SLC22A3: variants seen among roughly 807,000 people sequenced by gnomAD.
SLC22A3 encodes EMT organic cation transporter 3.
SLC22A3 carries 51 observed loss-of-function variants against 59.1 expected under a neutral mutation model. That is an observed-to-expected ratio of 0.86 (90% CI 0.69 to 1.09). The LOEUF (loss-of-function observed/expected upper bound fraction) is 1.09. Ranked by LOEUF, SLC22A3 falls within the 50% of genes least tolerant of loss-of-function variation. The pLI, the probability that SLC22A3 is intolerant of heterozygous loss-of-function variation, is 0.00. For missense variants in SLC22A3, 711 were observed against 726.3 expected (o/e 0.98, Z 0.24); for synonymous variants, 325 against 292.0 (o/e 1.11, Z -1.15).
intron 1 of SLC22A3, among the ~76,000 whole-genome samples, chr6:160,382,164 T>G (rs1287682529): frequency 6.6e-6 from 1 of 152,124 alleles, no homozygotes; most frequent in African/African-American, 2.4e-5. Flanking sequence ...TTTATTCACT[T>G]ATTAACTGAG....
At chr6:160,409,652 C>G (rs1787167576) in intron 4 of SLC22A3, among the ~76,000 whole-genome samples, 1 of 152,174 alleles carries the variant, frequency 6.6e-6, no homozygotes, top group Non-Finnish European at 1.5e-5. Context: ...TGTTTTCAAA[C>G]ATCTCTAAAA....
chr6:160,426,150 T>C, intron 5 of SLC22A3: 1 of 985,458 alleles, frequency 1.0e-6, no homozygotes. Context: ...AAACTGATCT[T>C]CAAACTCTTC....
In SLC22A3 at chr6:160,415,271, A is replaced by AT. The variant is rs1453541895; in HGVS notation, c.975+4426dup. On this transcript the variant is annotated intron_variant, in intron 5 of 10. Coordinates refer to ENST00000275300, the MANE Select transcript of SLC22A3 (RefSeq NM_021977.4). The surrounding 1 kb of genome is among the most constrained non-coding windows in gnomAD (Gnocchi z 4.1). ...AGGTCCTTATGTCCCCACAAGCACC[A>AT]TCCTGAGCAGAAAACCTCTTCGTGA... Among the ~76,000 whole-genome samples, 2 of 152,204 alleles carry AT rather than the reference A, an allele frequency of 1.3e-5. No homozygotes were observed. Among genetic ancestry groups the AT allele is most frequent in the Non-Finnish European group, 2.9e-5 (2 of 68,030 alleles).
intron 5 of SLC22A3, among the ~76,000 whole-genome samples, chr6:160,411,444 G>A (rs1787244318): frequency 6.6e-6 from 1 of 152,088 alleles, no homozygotes; most frequent in Non-Finnish European, 1.5e-5. Flanking sequence ...AGTGTACCAA[G>A]AAATAGGGGA....
At chr6:160,418,983 T>G (rs1787620066) in intron 5 of SLC22A3, among the ~76,000 whole-genome samples, 1 of 152,234 alleles carries the variant, frequency 6.6e-6, no homozygotes. Flanking sequence ...ATCAATAATG[T>G]TCACACATAA....
intron 1 of SLC22A3, among the ~76,000 whole-genome samples, chr6:160,392,861 G>A (rs1419591926): frequency 6.6e-6 from 1 of 151,902 alleles, no homozygotes; most frequent in Non-Finnish European, 1.5e-5. Context: ...AATGTAGCCA[G>A]GAGCACACCA....
rs866749273 is a variant in SLC22A3, at chr6:160,426,151, C to T, written c.976-10629C>T. The T allele has an allele frequency of 2.5e-5, 25 of 985,314 alleles. No individual in the cohort carries two copies. In the African/African-American group the frequency reaches 3.8e-4, roughly 15 times the overall value. The allele number at this position is 985,314 out of a possible 1,614,324, so 61.0% of individuals were successfully genotyped here. On this transcript the variant is annotated intron_variant, in intron 5 of 10. Transcript: ENST00000275300. ...TTTGAGGTGCATCTAAACTGATCTT[C>T]AAACTCTTCAGCTATACCTGACTTT... is the stretch of plus-strand genomic sequence containing the variant.
chr6:160,389,543 G>A (rs1246047879), intron 1 of SLC22A3, among the ~76,000 whole-genome samples: 13 of 152,210 alleles, frequency 8.5e-5, no homozygotes, highest in Admixed American at 8.5e-4. Flanking sequence ...AACTGTCACT[G>A]TGCCCTGATG....
intron 4 of SLC22A3, among the ~76,000 whole-genome samples, chr6:160,409,772 G>A (rs897476022): frequency 2.0e-4 from 30 of 152,106 alleles, no homozygotes; most frequent in East Asian, 3.9e-4. Flanking sequence ...ATACCAGAAC[G>A]CAAAATTTTA....
chr6:160,360,414 C>T (rs929226387), intron 1 of SLC22A3, among the ~76,000 whole-genome samples: 48 of 152,214 alleles, frequency 3.2e-4, no homozygotes, highest in Middle Eastern at 6.8e-3. Context: ...GCCAAAATCA[C>T]GCCATTGCAC....
intron 1 of SLC22A3, among the ~76,000 whole-genome samples, chr6:160,385,721 G>A (rs1785980316): frequency 6.6e-6 from 1 of 152,162 alleles, no homozygotes; most frequent in African/African-American, 2.4e-5. Context: ...CAGAAAAATG[G>A]ATCCATAAAT....
At chr6:160,354,273 G>C (rs1451807301) in intron 1 of SLC22A3, among the ~76,000 whole-genome samples, 4 of 152,232 alleles carry the variant, frequency 2.6e-5, no homozygotes, top group African/African-American at 9.6e-5. Flanking sequence ...CAAGTCAACT[G>C]AGCATCTGCC....
At chr6:160,366,309 G>A (rs1348588957) in intron 1 of SLC22A3, among the ~76,000 whole-genome samples, 1 of 152,170 alleles carries the variant, frequency 6.6e-6, no homozygotes, top group African/African-American at 2.4e-5. Context: ...ACAGGCATTG[G>A]GTAAATACAG....
At chr6:160,372,437 C>T (rs542223132) in intron 1 of SLC22A3, among the ~76,000 whole-genome samples, 1 of 152,054 alleles carries the variant, frequency 6.6e-6, no homozygotes, top group Non-Finnish European at 1.5e-5. Flanking sequence ...ACATTTTTTC[C>T]TTCATTTCAA....
At chr6:160,354,316 A>G (rs927795555) in intron 1 of SLC22A3, among the ~76,000 whole-genome samples, 1 of 152,258 alleles carries the variant, frequency 6.6e-6, no homozygotes, top group Non-Finnish European at 1.5e-5. Flanking sequence ...TAGAATGGGT[A>G]CAAGAATGCC....
chr6:160,418,833 C>T lies in SLC22A3; in HGVS notation c.975+7987C>T, dbSNP rs532163057. On this transcript the variant is annotated intron_variant, in intron 5 of 10. Coordinates refer to ENST00000275300, the MANE Select transcript of SLC22A3 (RefSeq NM_021977.4). ...TCTGATACTACAGAACTGAATATGC[C>T]CATATTTGTTAGTGATATTTTATCC... Among the ~76,000 whole-genome samples, 7 of 152,228 alleles carry T rather than the reference C, an allele frequency of 4.6e-5. No individual in the cohort carries two copies. The South Asian group carries it at 1.5e-3, about 32-fold the overall frequency.
intron 5 of SLC22A3, among the ~76,000 whole-genome samples, chr6:160,428,748 A>T (rs949837049): frequency 2.6e-5 from 4 of 152,252 alleles, no homozygotes; most frequent in Non-Finnish European, 5.9e-5. Flanking sequence ...AACTACTTTA[A>T]TAAACATCAA....
intron 1 of SLC22A3, among the ~76,000 whole-genome samples, chr6:160,364,061 T>C (rs993084797): frequency 9.2e-5 from 14 of 152,126 alleles, no homozygotes; most frequent in Admixed American, 2.6e-4. Context: ...GTGAATTATT[T>C]GCATGTATAA....
At chr6:160,387,698 A>G (rs1389945215) in intron 1 of SLC22A3, among the ~76,000 whole-genome samples, 1 of 152,060 alleles carries the variant, frequency 6.6e-6, no homozygotes, top group Non-Finnish European at 1.5e-5. Flanking sequence ...CAGCCCCATC[A>G]GGCTTTGGAT....
Sources: allele counts gnomAD v4.1 joint callset (sites outside exome capture counted in the v4.1 genomes callset), GRCh38; gene constraint gnomAD v4.1.1; non-coding constraint Gnocchi (gnomAD v3.1); transcripts MANE v1.5; gene names NCBI Gene and HGNC (gene_info 2026-07-23, HGNC 2026-07-21).